Variants in ZNF804B observed in about 807,000 individuals in gnomAD.
ZNF804B encodes the protein zinc finger 804B.
In ZNF804B, 80 loss-of-function variants were observed where a neutral mutation model predicts 101.4. The ratio of observed to expected loss-of-function variants is 0.79; its 90% CI spans 0.66 to 0.95. The LOEUF (loss-of-function observed/expected upper bound fraction) is 0.95, where lower values mean the gene tolerates loss of function less well. ZNF804B is among the 40% of genes least tolerant of loss of function. ZNF804B has a pLI of 0.00. For missense variants in ZNF804B, 1,673 were observed against 1,561.9 expected (o/e 1.07, Z -1.20); for synonymous variants, 622 against 558.8 (o/e 1.11, Z -1.59).
intron 2 of ZNF804B, among the ~76,000 whole-genome samples, chr7:89,232,898 T>TACAAAA (rs1789217844): frequency 6.6e-6 from 1 of 152,064 alleles, no homozygotes; most frequent in African/African-American, 2.4e-5. Flanking sequence ...TACTTTCTCC[T>TACAAAA]TATTTTGTGT....
At chr7:89,051,217 TAAA>T (rs982792919) in intron 1 of ZNF804B, among the ~76,000 whole-genome samples, 1 of 149,806 alleles carries the variant, frequency 6.7e-6, no homozygotes, top group Non-Finnish European at 1.5e-5. Context: ...GTTATTTCAG[TAAA>T]AAAAAAATTC....
Position 89,233,373 on chromosome 7 carries a change from TAGAA to T in ZNF804B, c.249+15081_249+15084del, listed in dbSNP as rs556232443. Among the ~76,000 whole-genome samples the T allele has an allele frequency of 7.5e-3, 1,139 of 152,302 alleles. 3 individuals are homozygous for T. The highest frequency in any genetic ancestry group is 0.012 in the Non-Finnish European group (788 of 68,028). On this transcript the variant is annotated intron_variant, in intron 2 of 3. Transcript: ENST00000333190. ...CACACAGACATGTGGTTGTCTGACT[TAGAA>T]AGTAACTCTGAACAGAAAAATAAAT...
chr7:89,059,980 C>G (rs1381806148), intron 1 of ZNF804B, among the ~76,000 whole-genome samples: 1 of 152,088 alleles, frequency 6.6e-6, no homozygotes, highest in South Asian at 2.1e-4. Context: ...GAAATTAGAG[C>G]TCTGGACTGA....
intron 1 of ZNF804B, among the ~76,000 whole-genome samples, chr7:89,169,602 C>G (rs887977428): frequency 2.6e-5 from 4 of 152,150 alleles, no homozygotes; most frequent in African/African-American, 9.6e-5. Context: ...TAGATTTATA[C>G]TATTTCTTCA....
At chr7:89,172,809 G>T (rs1381766915) in intron 1 of ZNF804B, among the ~76,000 whole-genome samples, 2 of 152,012 alleles carry the variant, frequency 1.3e-5, no homozygotes, top group East Asian at 3.9e-4. Flanking sequence ...CTTTGGAATT[G>T]GTCTTTGACT....
At chr7:88,858,345 A>C (rs1791601757) in intron 1 of ZNF804B, among the ~76,000 whole-genome samples, 1 of 152,186 alleles carries the variant, frequency 6.6e-6, no homozygotes, top group South Asian at 2.1e-4. Flanking sequence ...TATTGGAAGG[A>C]TAGAAAGTAA....
intron 1 of ZNF804B, among the ~76,000 whole-genome samples, chr7:89,173,628 G>C (rs537651732): frequency 6.6e-6 from 1 of 151,874 alleles, no homozygotes; most frequent in African/African-American, 2.4e-5. Context: ...TGTCACAGGC[G>C]GTCATATGAA....
At chr7:88,912,135 C>G (rs1792558420) in intron 1 of ZNF804B, among the ~76,000 whole-genome samples, 2 of 151,974 alleles carry the variant, frequency 1.3e-5, no homozygotes, top group Non-Finnish European at 2.9e-5. Context: ...TTTGCACTCT[C>G]ATCAGAAATA....
rs1270418307 is a variant in ZNF804B, at chr7:89,026,442, A to G, written c.109-191713A>G. On this transcript the variant is annotated intron_variant, in intron 1 of 3. Transcript: ENST00000333190. ...CAGTGAAGTGGCATAATATGATTACATTTGTATTTTTATAAGGTTTATTTG... is the reference window on the plus strand; with the variant it reads ...CAGTGAAGTGGCATAATATGATTACGTTTGTATTTTTATAAGGTTTATTTG... Among the ~76,000 whole-genome samples, 5 of 152,264 alleles carry G rather than the reference A, an allele frequency of 3.3e-5. No individual in the cohort carries two copies. In the East Asian group the frequency reaches 7.7e-4, roughly 24 times the overall value.
chr7:89,211,283 C>T (rs1788799619), intron 1 of ZNF804B, among the ~76,000 whole-genome samples: 1 of 151,978 alleles, frequency 6.6e-6, no homozygotes, highest in Admixed American at 6.6e-5. Flanking sequence ...TTTTCTCCCA[C>T]TCTTTAGGCT....
chr7:89,305,227 A>G (rs1167089368), intron 2 of ZNF804B, among the ~76,000 whole-genome samples: 1 of 152,014 alleles, frequency 6.6e-6, no homozygotes, highest in African/African-American at 2.4e-5. Flanking sequence ...TTATATCATT[A>G]TTATTATTAA....
rs185275261 is a variant in ZNF804B at position 89,167,694 on chromosome 7, G to T, written c.109-50461G>T. Among the ~76,000 whole-genome samples the T allele has an allele frequency of 2.8e-4, 43 of 152,196 alleles. No homozygotes were observed. In the East Asian group the frequency reaches 8.1e-3, roughly 29 times the overall value. ...AAAATACTGCAGTAAAAATGTCTTA[G>T]AGTTTGAACTCTGTGTATTCCAGCT... On this transcript the variant is annotated intron_variant, in intron 1 of 3. Coordinates refer to ENST00000333190, the MANE Select transcript of ZNF804B (RefSeq NM_181646.5).
chr7:89,093,984 G>A (rs1334543859), intron 1 of ZNF804B, among the ~76,000 whole-genome samples: 1 of 152,178 alleles, frequency 6.6e-6, no homozygotes. Flanking sequence ...AAGCCCACCA[G>A]GATAGGTGAC....
At chr7:88,830,911 G>A (rs561782579) in intron 1 of ZNF804B, among the ~76,000 whole-genome samples, 1 of 151,664 alleles carries the variant, frequency 6.6e-6, no homozygotes, top group East Asian at 1.9e-4. Flanking sequence ...TTTGTATCTG[G>A]TTTTCATATT....
intron 1 of ZNF804B, among the ~76,000 whole-genome samples, chr7:89,188,238 C>T (rs942834728): frequency 1.1e-4 from 17 of 151,944 alleles, no homozygotes; most frequent in Non-Finnish European, 7.4e-5. Flanking sequence ...TTATGCTGAT[C>T]CATGATCAGT....
chr7:89,220,020 T>TATAC (rs1788968285), intron 2 of ZNF804B, among the ~76,000 whole-genome samples: 3 of 130,882 alleles, frequency 2.3e-5, no homozygotes, highest in Non-Finnish European at 4.8e-5. Context: ...TATGTGTGTA[T>TATAC]ACATATATAT....
At chr7:88,955,494 C>T (rs182397175) in intron 1 of ZNF804B, among the ~76,000 whole-genome samples, 1 of 151,764 alleles carries the variant, frequency 6.6e-6, no homozygotes, top group East Asian at 2.0e-4. Context: ...ATATTCTTAA[C>T]TTTTCTGTAA....
intron 1 of ZNF804B, among the ~76,000 whole-genome samples, chr7:88,958,572 T>C (rs763064968): frequency 4.2e-4 from 63 of 151,530 alleles, no homozygotes; most frequent in South Asian, 4.1e-4. Context: ...CTATGAACTA[T>C]GTATAGTACT....
chr7:89,115,921 T>C (rs1037632431), intron 1 of ZNF804B, among the ~76,000 whole-genome samples: 7 of 151,862 alleles, frequency 4.6e-5, no homozygotes, highest in African/African-American at 1.7e-4. Context: ...TTTTTCTTTT[T>C]TTTGACAAGA....
Sources: allele counts gnomAD v4.1 joint callset (sites outside exome capture counted in the v4.1 genomes callset), GRCh38; gene constraint gnomAD v4.1.1; transcripts MANE v1.5; gene names NCBI Gene and HGNC (gene_info 2026-07-23, HGNC 2026-07-21).